The following CRTAC1 variants were observed in gnomAD, a reference collection of about 807,000 sequenced individuals.
The protein encoded by CRTAC1 is cartilage acidic protein 1, also known as acidic secreted protein in cartilage.
A neutral mutation model predicts 67.8 loss-of-function variants in CRTAC1; 37 were observed. The ratio of observed to expected loss-of-function variants is 0.55; its 90% CI spans 0.42 to 0.72. The LOEUF (loss-of-function observed/expected upper bound fraction) is 0.72. CRTAC1 is among the 30% of genes least tolerant of loss of function. CRTAC1 has a pLI of 0.00. For synonymous variants in CRTAC1, 348 were observed against 371.0 expected, an observed-to-expected ratio of 0.94 and a Z score of 0.71; for missense variants, 780 against 931.6, an observed-to-expected ratio of 0.84 and a Z score of 2.12.
chr10:97,931,161 T>A (rs1428261316), intron 3 of CRTAC1, among the ~76,000 whole-genome samples: 1 of 151,958 alleles, frequency 6.6e-6, no homozygotes, highest in African/African-American at 2.4e-5. Flanking sequence ...TTTTTCCCCA[T>A]CAGATTAGCA....
At chr10:97,963,408 A>G (rs2051559646) in intron 2 of CRTAC1, among the ~76,000 whole-genome samples, 1 of 152,184 alleles carries the variant, frequency 6.6e-6, no homozygotes, top group Non-Finnish European at 1.5e-5. Context: ...CATGGTTTTA[A>G]CAAGTTCTCC....
rs1351845720 is a variant in CRTAC1, at chr10:97,965,920, T to A, written c.225-29554A>T. Among the ~76,000 whole-genome samples the A allele has an allele frequency of 2.6e-5, 4 of 152,318 alleles. No homozygotes were observed. In the East Asian group the frequency reaches 5.8e-4, roughly 22 times the overall value. On this transcript the variant is annotated intron_variant, in intron 2 of 14. Coordinates refer to ENST00000370597, the MANE Select transcript of CRTAC1 (RefSeq NM_018058.7). ...AGGTTCTGATGGAGGTGGAGATACC[T>A]GACTTGGAAAGGAGATGACAGATGG...
chr10:97,974,277 C>A (rs187160924), intron 2 of CRTAC1, among the ~76,000 whole-genome samples: 1 of 152,126 alleles, frequency 6.6e-6, no homozygotes, highest in African/African-American at 2.4e-5. Context: ...CTGGGTACAG[C>A]GAAGCTGCCA....
chr10:97,897,054 A>C, intron 8 of CRTAC1, 63 bp from the exon 9 acceptor site: 1 of 1,238,876 alleles, frequency 8.1e-7, no homozygotes, highest in South Asian at 1.4e-5. Flanking sequence ...CAGAAGGCCC[A>C]CCTGCTCCAT....
intron 2 of CRTAC1, among the ~76,000 whole-genome samples, chr10:97,960,523 T>A (rs988032280): frequency 2.6e-5 from 4 of 152,214 alleles, no homozygotes; most frequent in Non-Finnish European, 5.9e-5. Flanking sequence ...ACATAATAAA[T>A]CTTTTCCTCT....
chr10:97,955,226 G>A, intron 2 of CRTAC1, among the ~76,000 whole-genome samples: 1 of 152,216 alleles, frequency 6.6e-6, no homozygotes, highest in East Asian at 1.9e-4. Flanking sequence ...TGTGTCCTAT[G>A]GAGTCCAAGG....
intron 12 of CRTAC1, among the ~76,000 whole-genome samples, 156 bp downstream of exon 12, chr10:97,884,050 C>G (rs1478499813): frequency 6.6e-6 from 1 of 152,226 alleles, no homozygotes; most frequent in African/African-American, 2.4e-5. Context: ...GTTGTGCAAA[C>G]TACAAATGGA....
chr10:98,004,783 A>C (rs1842752367), intron 2 of CRTAC1, among the ~76,000 whole-genome samples: 1 of 152,064 alleles, frequency 6.6e-6, no homozygotes, highest in South Asian at 2.1e-4. Flanking sequence ...AACAATATGT[A>C]TCAGTGTGAT....
Position 97,974,853 on chromosome 10 carries a change from G to C in CRTAC1, c.224+36285C>G, listed in dbSNP as rs182688085. On this transcript the variant is annotated intron_variant, in intron 2 of 14. Transcript: ENST00000370597. ...ATTTAGTAACGACCTTAAAGAGTCT[G>C]CGAGGCTGAATGAATTGGTGCATCT... Among the ~76,000 whole-genome samples, 164 of 152,324 alleles carry C rather than the reference G, an allele frequency of 1.1e-3. 1 individual carries two copies. The highest frequency in any genetic ancestry group is 3.8e-3 in the African/African-American group (159 of 41,562).
chr10:97,879,757 T>C (rs772116694), intron 14 of CRTAC1: 1 of 1,549,384 alleles, frequency 6.5e-7, no homozygotes, highest in South Asian at 1.2e-5. Flanking sequence ...GGCTCAGAGA[T>C]TCTAGAGGCG....
chr10:97,943,128 TAGAG>T (rs1171787306), intron 2 of CRTAC1, among the ~76,000 whole-genome samples: 2 of 149,904 alleles, frequency 1.3e-5, no homozygotes, highest in African/African-American at 2.5e-5. Context: ...ATAGTCAAGA[TAGAG>T]AGTCAGGGCA....
chr10:97,948,645 G>A (rs1260387849), intron 2 of CRTAC1, among the ~76,000 whole-genome samples: 1 of 152,194 alleles, frequency 6.6e-6, no homozygotes, highest in Non-Finnish European at 1.5e-5. Context: ...GAATTAAGAG[G>A]AAAGGAAGCC....
intron 1 of CRTAC1, among the ~76,000 whole-genome samples, chr10:98,013,590 T>C (rs1168970062): frequency 6.6e-6 from 1 of 152,186 alleles, no homozygotes; most frequent in Non-Finnish European, 1.5e-5. Context: ...AGTCACAACC[T>C]CTTTGGGTCT....
chr10:97,989,191 G>A (rs1056247737), intron 2 of CRTAC1, among the ~76,000 whole-genome samples: 4 of 152,114 alleles, frequency 2.6e-5, no homozygotes, highest in Non-Finnish European at 5.9e-5. Flanking sequence ...TTTGCTTGCA[G>A]ACGGCAGATC....
chr10:97,907,553 TGTAG>T (rs66531559), intron 6 of CRTAC1, among the ~76,000 whole-genome samples: 96,758 of 151,600 alleles, frequency 0.64, 32,481 homozygotes, highest in East Asian at 0.83. Context: ...CTTTTCTGTG[TGTAG>T]GGTGGTCTTA....
chr10:97,962,678 T>C (rs2051545506), intron 2 of CRTAC1, among the ~76,000 whole-genome samples: 1 of 152,184 alleles, frequency 6.6e-6, no homozygotes, highest in African/African-American at 2.4e-5. Context: ...GGGCCGCTAC[T>C]GAGCAAGGCT....
rs1459196649 is a variant in CRTAC1, at chr10:97,975,838, T to TGGGCCCCCAATGAGGAGCTAGCTCCC, written c.224+35274_224+35299dup. Among the ~76,000 whole-genome samples the TGGGCCCCCAATGAGGAGCTAGCTCCC allele has an allele frequency of 6.6e-6, 1 of 152,244 alleles. No homozygotes were observed. The highest frequency in any genetic ancestry group is 1.5e-5 in the Non-Finnish European group (1 of 68,036). On this transcript the variant is annotated intron_variant, in intron 2 of 14. Transcript: ENST00000370597. The surrounding 1 kb of genome is among the most constrained non-coding windows in gnomAD (Gnocchi z 4.8). ...TACGCACACTCGGTGAGCGTGCTCC[T>TGGGCCCCCAATGAGGAGCTAGCTCCC]GGGCCCCCAATGAGGAGCTAGCTCC...
At chr10:97,984,774 C>T (rs1367857243) in intron 2 of CRTAC1, among the ~76,000 whole-genome samples, 3 of 152,132 alleles carry the variant, frequency 2.0e-5, no homozygotes, top group East Asian at 1.9e-4. Flanking sequence ...TTGTAAGCAA[C>T]AGAAGCTGAG....
intron 2 of CRTAC1, among the ~76,000 whole-genome samples, chr10:97,996,537 C>T (rs1305099545): frequency 3.3e-5 from 5 of 151,840 alleles, no homozygotes; most frequent in African/African-American, 1.2e-4. Flanking sequence ...CAATGAGATA[C>T]CATCTCACAC....
Sources: allele counts gnomAD v4.1 joint callset (sites outside exome capture counted in the v4.1 genomes callset), GRCh38; gene constraint gnomAD v4.1.1; non-coding constraint Gnocchi (gnomAD v3.1); transcripts MANE v1.5; gene names NCBI Gene and HGNC (gene_info 2026-07-23, HGNC 2026-07-21).